MPHOSPH9: variants seen among roughly 807,000 people sequenced by gnomAD.
MPHOSPH9 encodes the protein M-phase phosphoprotein 9.
MPHOSPH9 carries 88 observed loss-of-function variants against 145.5 expected under a neutral mutation model. The observed-to-expected ratio is 0.60, with a 90% CI of 0.51 to 0.72. The LOEUF is 0.72. MPHOSPH9 is among the 30% of genes least tolerant of loss of function. MPHOSPH9 has a pLI of 0.00. For synonymous variants in MPHOSPH9, 435 were observed against 486.2 expected (o/e 0.89, Z 1.39); for missense variants, 1,238 against 1,386.6 (o/e 0.89, Z 1.70).
At chr12:123,187,967 T>G (rs1212359239) in intron 13 of MPHOSPH9, among the ~76,000 whole-genome samples, 4 of 151,886 alleles carry the variant, frequency 2.6e-5, no homozygotes, top group African/African-American at 9.7e-5. Flanking sequence ...CTAGTAAAAA[T>G]ACAAAAAGAA....
chr12:123,208,692 T>C (rs754067957), intron 8 of MPHOSPH9, among the ~76,000 whole-genome samples: 16 of 151,978 alleles, frequency 1.1e-4, no homozygotes, highest in Non-Finnish European at 1.6e-4. Context: ...ACCTACTACA[T>C]ATGAAATAGT....
chr12:123,170,025 T>TA (rs1306161101), intron 16 of MPHOSPH9, among the ~76,000 whole-genome samples: 1 of 151,382 alleles, frequency 6.6e-6, no homozygotes, highest in East Asian at 1.9e-4. Flanking sequence ...TCCCCCAGGC[T>TA]AAAGTGCAGT....
intron 5 of MPHOSPH9, 151 bp downstream of exon 5, chr12:123,221,221 T>G (rs1335279014): frequency 1.8e-5 from 12 of 656,536 alleles, no homozygotes; most frequent in Non-Finnish European, 3.1e-5. Context: ...GTCAGTGTCA[T>G]TAGAATATAG....
At chr12:123,215,853 G>T (rs2046929798) in intron 6 of MPHOSPH9, among the ~76,000 whole-genome samples, 1 of 152,112 alleles carries the variant, frequency 6.6e-6, no homozygotes, top group African/African-American at 2.4e-5. Context: ...TACGAAGATG[G>T]GGAATTAACA....
At chr12:123,219,077 A>AT (rs1374962097) in intron 5 of MPHOSPH9, among the ~76,000 whole-genome samples, 11 of 150,214 alleles carry the variant, frequency 7.3e-5, no homozygotes, top group Non-Finnish European at 1.3e-4. Context: ...TAATTTTTCT[A>AT]TTTTTTTTGT....
At chr12:123,197,243 C>A (rs771741337) in intron 12 of MPHOSPH9, among the ~76,000 whole-genome samples, 60 of 151,724 alleles carry the variant, frequency 4.0e-4, no homozygotes, top group Middle Eastern at 6.8e-3. Flanking sequence ...AGTGCTGTGG[C>A]GCAATCATGA....
chr12:123,210,652 A>C (rs2046660678), intron 7 of MPHOSPH9, among the ~76,000 whole-genome samples: 1 of 152,078 alleles, frequency 6.6e-6, no homozygotes, highest in Non-Finnish European at 1.5e-5. Flanking sequence ...AGATGGTGCC[A>C]CTGCACTCCA....
intron 1 of MPHOSPH9, among the ~76,000 whole-genome samples, chr12:123,239,226 G>A (rs767679368): frequency 1.2e-4 from 19 of 152,190 alleles, no homozygotes; most frequent in Non-Finnish European, 2.2e-4. Context: ...CTGAGATGGC[G>A]CCACTATACT....
intron 7 of MPHOSPH9, among the ~76,000 whole-genome samples, chr12:123,213,997 G>A (rs1377359029): frequency 6.6e-6 from 1 of 152,086 alleles, no homozygotes; most frequent in African/African-American, 2.4e-5. Context: ...ATTCTAGAAA[G>A]ATTTGTAAGG....
Position 123,239,873 on chromosome 12 carries a change from T to C in MPHOSPH9, c.-159+3980A>G, listed in dbSNP as rs370620116. 4.6e-5 allele frequency among the ~76,000 whole-genome samples: 7 copies of C among 152,280 alleles called. 1 individual carries two copies. The East Asian group carries it at 1.4e-3, about 29-fold the overall frequency. On this transcript the variant is annotated intron_variant, in intron 1 of 2. Coordinates refer to the MPHOSPH9 transcript ENST00000545406. ...TTGTTTAATTCTTTTCTTGGGACGA[T>C]TTCCTTGCCCTCCCATCACACTCCT...
At chr12:123,207,857 A>G (rs1425673197) in intron 8 of MPHOSPH9, among the ~76,000 whole-genome samples, 2 of 66,540 alleles carry the variant, frequency 3.0e-5, no homozygotes, top group Non-Finnish European at 6.2e-5. Context: ...CGCCTCAAAG[A>G]AAAAAAAAAA....
At position 123,156,753 on chromosome 12, in the gene MPHOSPH9, A is replaced by G. The variant is rs980713192; in HGVS notation, c.*54T>C. On this transcript the variant is annotated 3_prime_UTR_variant, in exon 24 of 24. Transcript: ENST00000606320. ...AAAATAGTTTGCCTTTTCTGACTGC[A>G]TAATTATACATTAGTGCAAACAAAA... 1.4e-6 allele frequency: 2 copies of G among 1,447,152 alleles called. No individual in the cohort carries two copies. Among genetic ancestry groups the G allele is most frequent in the Middle Eastern group, 1.9e-4 (1 of 5,356 alleles). The allele number at this position is 1,447,152 out of a possible 1,614,324, so 89.6% of individuals were successfully genotyped here.
upstream of MPHOSPH9, among the ~76,000 whole-genome samples, chr12:123,237,589 C>T (rs968518823): frequency 2.6e-5 from 4 of 152,232 alleles, no homozygotes; most frequent in African/African-American, 4.8e-5. Flanking sequence ...TCCTCCCGTC[C>T]GCCAAAATCA....
At chr12:123,209,492 C>T (rs1015920590) in intron 8 of MPHOSPH9, among the ~76,000 whole-genome samples, 1 of 151,964 alleles carries the variant, frequency 6.6e-6, no homozygotes, top group Non-Finnish European at 1.5e-5. Context: ...GTGCAACCTC[C>T]ACCTCCCAGG....
At chr12:123,153,983 G>C (rs1171559383), downstream of MPHOSPH9, among the ~76,000 whole-genome samples, 1 of 152,044 alleles carries the variant, frequency 6.6e-6, no homozygotes, top group African/African-American at 2.4e-5. Flanking sequence ...CTCCTTTCTT[G>C]TCCCCTGAGC....
At chr12:123,189,297 G>C (rs2045575311) in intron 13 of MPHOSPH9, among the ~76,000 whole-genome samples, 1 of 152,150 alleles carries the variant, frequency 6.6e-6, no homozygotes, top group African/African-American at 2.4e-5. Flanking sequence ...AGACACTGCA[G>C]AGCAGACAGG....
intron 1 of MPHOSPH9, among the ~76,000 whole-genome samples, chr12:123,232,628 C>A (rs916242180): frequency 6.6e-6 from 1 of 152,034 alleles, no homozygotes; most frequent in Non-Finnish European, 1.5e-5. Context: ...ACAGTCAGCC[C>A]GCAATGGCTG....
At chr12:123,233,775 C>T (rs889010739), upstream of MPHOSPH9, 11 of 152,396 alleles carry the variant, frequency 7.2e-5, no homozygotes, top group African/African-American at 2.2e-4. Context: ...TTCAGGCACT[C>T]AGGGCAGGGG....
At chr12:123,158,830 CA>C (rs1430764705) in intron 23 of MPHOSPH9, among the ~76,000 whole-genome samples, 3 of 152,198 alleles carry the variant, frequency 2.0e-5, no homozygotes, top group African/African-American at 7.2e-5. Flanking sequence ...AGGGTTTCAC[CA>C]CATCGGCCAG....
Sources: gnomAD v4.1 joint callset for allele counts (sites outside exome capture counted in the v4.1 genomes callset) on GRCh38, gnomAD v4.1.1 for gene constraint, MANE v1.5 for transcripts, NCBI Gene and HGNC (gene_info 2026-07-23, HGNC 2026-07-21) for gene names.